The following DHRS7 variants were observed in gnomAD, a reference collection of about 807,000 sequenced individuals.
DHRS7 encodes the protein dehydrogenase/reductase SDR family member 7.
DHRS7 carries 34 observed loss-of-function variants against 38.9 expected under a neutral mutation model. The ratio of observed to expected loss-of-function variants is 0.87; its 90% confidence interval spans 0.66 to 1.16. The LOEUF (loss-of-function observed/expected upper bound fraction) is 1.16, where lower values mean the gene tolerates loss of function less well. DHRS7 is among the 50% of genes most tolerant of loss of function. The pLI is 0.00. For missense variants in DHRS7, 421 were observed against 407.0 expected, an observed-to-expected ratio of 1.03 and a Z score of -0.30; for synonymous variants, 158 against 153.1, an observed-to-expected ratio of 1.03 and a Z score of -0.24.
rs1566529290 is a variant in DHRS7 at position 60,148,326 on chromosome 14, TAAC to T, written c.972+1024_972+1026del. Reference sequence around the variant, plus strand: ...TTGATTAATTTCTAAAAGAAGGTGGTAACAAAGTATATCAAAGGCTAACAGTAA... The same window carrying T: ...TTGATTAATTTCTAAAAGAAGGTGGTAAAGTATATCAAAGGCTAACAGTAA... On this transcript the variant is annotated intron_variant, in intron 6 of 6. Coordinates refer to ENST00000557185, the MANE Select transcript of DHRS7 (RefSeq NM_016029.4). This position sits in a 1 kb window ranked among gnomAD's most constrained non-coding sequence, Gnocchi z 4.8. 6.6e-6 allele frequency: 1 copy of T among 152,208 alleles called. No homozygotes were observed. The highest frequency in any genetic ancestry group is 2.4e-5 in the African/African-American group (1 of 41,450). 9.4% of individuals were successfully genotyped at this position (152,208 alleles called of 1,614,324 possible). A position where few individuals can be genotyped will look rare whatever the true frequency, so the allele number is the denominator to read the frequency against.
At chr14:60,167,244 C>T (rs536639397), upstream of DHRS7, among the ~76,000 whole-genome samples, 35 of 152,310 alleles carry the variant, frequency 2.3e-4, no homozygotes, top group African/African-American at 3.6e-4. Flanking sequence ...TAAATATATA[C>T]ACCTACTGTG....
At chr14:60,154,460 T>G (rs1011213080) in intron 2 of DHRS7, among the ~76,000 whole-genome samples, 1 of 152,088 alleles carries the variant, frequency 6.6e-6, no homozygotes, top group Non-Finnish European at 1.5e-5. Flanking sequence ...TTAAAATCAG[T>G]AAGAAGCTCA....
At chr14:60,166,423 A>C (rs1323689101), upstream of DHRS7, 1 of 209,782 alleles carries the variant, frequency 4.8e-6, no homozygotes, top group Non-Finnish European at 8.3e-6. Flanking sequence ...TCTGATGTCA[A>C]AGGCTCTTCC....
chr14:60,155,596 T>C (rs1896642095), intron 2 of DHRS7, among the ~76,000 whole-genome samples: 1 of 152,262 alleles, frequency 6.6e-6, no homozygotes, highest in African/African-American at 2.4e-5. Flanking sequence ...TAATAAGTCT[T>C]ATCCCATATG....
chr14:60,161,029 G>A lies in DHRS7; in HGVS notation c.133+4148C>T, dbSNP rs1233186006. Among the ~76,000 whole-genome samples, 1 of 152,150 alleles carries A rather than the reference G, an allele frequency of 6.6e-6. No homozygotes were observed. Among genetic ancestry groups the A allele is most frequent in the African/African-American group, 2.4e-5 (1 of 41,414 alleles). ...TTAGTATCAGAACTGTGAAAAATGG[G>A]AGTTTCAGATGTACACTTATTGATA... On this transcript the variant is annotated intron_variant, in intron 1 of 6. Coordinates refer to ENST00000557185, the MANE Select transcript of DHRS7 (RefSeq NM_016029.4). The surrounding 1 kb of genome is among the most constrained non-coding windows in gnomAD (Gnocchi z 4.2).
At chr14:60,167,944 A>G (rs1896888116), upstream of DHRS7, among the ~76,000 whole-genome samples, 1 of 152,126 alleles carries the variant, frequency 6.6e-6, no homozygotes, top group South Asian at 2.1e-4. Context: ...TTACTCAGAA[A>G]TCCTGCAACC....
chr14:60,165,007 C>T lies in DHRS7; in HGVS notation c.133+170G>A, dbSNP rs1478960458. ...GACAAAGGGGCTTTTTAGCCCTCGC[C>T]TCTTCCTCCCCAACCCGCAGCCCCT... On this transcript the variant is annotated intron_variant, in intron 1 of 6. Coordinates refer to ENST00000557185, the MANE Select transcript of DHRS7 (RefSeq NM_016029.4). This position sits in a 1 kb window ranked among gnomAD's most constrained non-coding sequence, Gnocchi z 4.6. Among the ~76,000 whole-genome samples the T allele has an allele frequency of 6.6e-6, 1 of 152,240 alleles. No homozygotes were observed. Among genetic ancestry groups the T allele is most frequent in the East Asian group, 1.9e-4 (1 of 5,194 alleles).
chr14:60,152,605 G>GCAT, intron 4 of DHRS7: 1 of 239,854 alleles, frequency 4.2e-6, no homozygotes, highest in South Asian at 7.0e-5. Context: ...AGATTTAGTA[G>GCAT]GAATAAGGAT....
At chr14:60,167,183 A>T (rs1896879071), upstream of DHRS7, among the ~76,000 whole-genome samples, 1 of 152,242 alleles carries the variant, frequency 6.6e-6, no homozygotes, top group Admixed American at 6.5e-5. Context: ...ATTTACCATG[A>T]TGTGATTATT....
At chr14:60,152,456 C>T (rs1896564586) in intron 4 of DHRS7, among the ~76,000 whole-genome samples, 1 of 152,112 alleles carries the variant, frequency 6.6e-6, no homozygotes, top group African/African-American at 2.4e-5. Flanking sequence ...CTATTTCTGA[C>T]ATGCATATAT....
chr14:60,164,066 T>C (rs1386688298), intron 1 of DHRS7, among the ~76,000 whole-genome samples: 1 of 152,010 alleles, frequency 6.6e-6, no homozygotes, highest in Non-Finnish European at 1.5e-5. Flanking sequence ...TCAATGTCAG[T>C]GCTGCACATG....
intron 1 of DHRS7, among the ~76,000 whole-genome samples, chr14:60,160,941 G>C (rs1896754114): frequency 6.6e-6 from 1 of 152,188 alleles, no homozygotes; most frequent in South Asian, 2.1e-4. Context: ...GTTACAAAGA[G>C]TTTGGTCTCA....
chr14:60,166,927 A>G (rs528863861), upstream of DHRS7, among the ~76,000 whole-genome samples: 1 of 149,912 alleles, frequency 6.7e-6, no homozygotes, highest in African/African-American at 2.5e-5. Flanking sequence ...TGAAATTTAA[A>G]CCTCCTTGAT....
Position 60,165,092 on chromosome 14 carries a change from A to G in DHRS7, c.133+85T>C. On this transcript the variant is annotated intron_variant, in intron 1 of 6. Coordinates refer to ENST00000557185, the MANE Select transcript of DHRS7 (RefSeq NM_016029.4). This position sits in a 1 kb window ranked among gnomAD's most constrained non-coding sequence, Gnocchi z 4.6. ...CGCAACCCACAAAGGACCCGGGATC[A>G]CTGCAGAACCCCCGGAGACCCGGAC... is the stretch of plus-strand genomic sequence containing the variant. 2.0e-6 allele frequency: 3 copies of G among 1,514,948 alleles called. No individual in the cohort carries two copies. Among genetic ancestry groups the G allele is most frequent in the Admixed American group, 1.9e-5 (1 of 53,480 alleles). The allele number at this position is 1,514,948 out of a possible 1,614,324, so 93.8% of individuals were successfully genotyped here.
intron 5 of DHRS7, 111 bp downstream of exon 5, chr14:60,149,954 A>G: frequency 8.9e-7 from 1 of 1,129,746 alleles, no homozygotes; most frequent in South Asian, 1.8e-5. Flanking sequence ...AATAATTCAC[A>G]TAAAAGCACT....
intron 1 of DHRS7, among the ~76,000 whole-genome samples, chr14:60,156,635 G>C (rs1896666095): frequency 6.6e-6 from 1 of 152,150 alleles, no homozygotes; most frequent in Admixed American, 6.6e-5. Flanking sequence ...TTGCAATGGA[G>C]GTTGATGAAG....
intron 4 of DHRS7, chr14:60,152,577 ACCCCCAATTTTCC>A: frequency 1.4e-5 from 3 of 217,832 alleles, no homozygotes; most frequent in South Asian, 1.5e-4. Flanking sequence ...GGAGAAGTGG[ACCCCCAATTTTCC>A]ATGAAGATTT....
chr14:60,158,111 T>G (rs1237859887), intron 1 of DHRS7, among the ~76,000 whole-genome samples: 1 of 151,482 alleles, frequency 6.6e-6, no homozygotes, highest in Admixed American at 6.6e-5. Context: ...CGCATCGTTG[T>G]AACCCCAACT....
rs371120 is a variant in DHRS7, at chr14:60,148,907, T to G, written c.972+446A>C. On this transcript the variant is annotated intron_variant, in intron 6 of 6. Coordinates refer to ENST00000557185, the MANE Select transcript of DHRS7 (RefSeq NM_016029.4). The surrounding 1 kb of genome is among the most constrained non-coding windows in gnomAD (Gnocchi z 4.8). The stretch of plus-strand genomic sequence containing the variant: ...AGTAATAATTTATAGTAAACCAAAA[T>G]ATATGCATGGGGATAAAATATTTTT... 0.27 allele frequency: 42,016 copies of G among 156,618 alleles called. 7,637 individuals carry two copies. The highest frequency in any genetic ancestry group is 0.52 in the African/African-American group (21,310 of 41,266). 9.7% of individuals were successfully genotyped at this position (156,618 alleles called of 1,614,324 possible).
Sources: gnomAD v4.1 joint callset for allele counts (sites outside exome capture counted in the v4.1 genomes callset) on GRCh38, gnomAD v4.1.1 for gene constraint, Gnocchi (gnomAD v3.1) non-coding constraint, MANE v1.5 for transcripts, NCBI Gene and HGNC (gene_info 2026-07-23, HGNC 2026-07-21) for gene names.